Variants in PCDH11X observed in about 807,000 individuals in gnomAD.
PCDH11X encodes the protein protocadherin 11 X-linked, also known as protocadherin-11 X-linked.
In PCDH11X, 18 loss-of-function variants were observed where a neutral mutation model predicts 53.3. That is an observed-to-expected ratio of 0.34 (90% CI 0.23 to 0.50). PCDH11X has a LOEUF of 0.50. Among genes scored for constraint, PCDH11X ranks in the 20% least tolerant of loss-of-function variants. The pLI, the probability that PCDH11X is intolerant of heterozygous loss-of-function variation, is 0.98. For missense variants in PCDH11X, 570 were observed against 1,032.4 expected (o/e 0.55, Z 6.14); for synonymous variants, 279 against 393.3 (o/e 0.71, Z 3.44).
chrX:92,305,178 T>C (rs1369401313), intron 8 of PCDH11X, among the ~76,000 whole-genome samples: 4 of 111,286 alleles, frequency 3.6e-5, no homozygotes, highest in South Asian at 3.8e-4. Context: ...TTGATAGTCA[T>C]GCCACACATA....
chrX:92,100,579 G>A (rs187532828), intron 6 of PCDH11X, among the ~76,000 whole-genome samples: 121 of 110,720 alleles, frequency 1.1e-3, no homozygotes, highest in African/African-American at 3.9e-3. Flanking sequence ...GTTAAGGTGG[G>A]GCAGGGCATA....
At chrX:92,434,860 C>T (rs1487820062) in intron 9 of PCDH11X, among the ~76,000 whole-genome samples, 6 of 109,138 alleles carry the variant, frequency 5.5e-5, no homozygotes, top group Non-Finnish European at 1.1e-4. Flanking sequence ...AGAAGTCTAT[C>T]GACTCAATCT....
chrX:91,856,894 T>G (rs896721375), intron 5 of PCDH11X, among the ~76,000 whole-genome samples: 3 of 111,912 alleles, frequency 2.7e-5, no homozygotes, highest in Non-Finnish European at 3.8e-5. Flanking sequence ...CTATTGTGAA[T>G]AGTGCTGCAA....
intron 6 of PCDH11X, chrX:91,883,757 A>T: frequency 1.7e-6 from 1 of 594,323 alleles, no homozygotes. Flanking sequence ...GTGAGCCGAG[A>T]TGGCGCCACT....
intron 10 of PCDH11X, among the ~76,000 whole-genome samples, chrX:92,485,285 T>C (rs1053762958): frequency 1.3e-4 from 15 of 111,134 alleles, no homozygotes; most frequent in Non-Finnish European, 2.6e-4. Flanking sequence ...ACATTAGTAA[T>C]TAATGATAAG....
chrX:91,962,217 C>T (rs1267673450), intron 6 of PCDH11X, among the ~76,000 whole-genome samples: 1 of 109,898 alleles, frequency 9.1e-6, no homozygotes, highest in Non-Finnish European at 1.9e-5. Flanking sequence ...TGAGACAAGG[C>T]AAGCCCCTTC....
chrX:92,002,124 T>A (rs1294224391), intron 6 of PCDH11X, among the ~76,000 whole-genome samples: 5 of 107,683 alleles, frequency 4.6e-5, no homozygotes, highest in Non-Finnish European at 5.8e-5. Context: ...AATATAGGGA[T>A]CCAGTTTTCC....
chrX:92,552,994 CGTGTGTGT>C (rs57655496), intron 10 of PCDH11X, among the ~76,000 whole-genome samples: 347 of 88,903 alleles, frequency 3.9e-3, no homozygotes, highest in African/African-American at 6.0e-3. Context: ...CTGCAATTTT[CGTGTGTGT>C]GTGTGTGTGT....
In PCDH11X at chrX:92,067,222, G is replaced by A. The variant is rs760423196; in HGVS notation, c.3034-134153G>A. Reference sequence around the variant, plus strand: ...TGTTGAATAATAGTGGTGAAAGTGGGCATCCTTGTCATGTTCCAAATATAA... The same window carrying A: ...TGTTGAATAATAGTGGTGAAAGTGGACATCCTTGTCATGTTCCAAATATAA... On this transcript the variant is annotated intron_variant, in intron 6 of 10. Transcript: ENST00000682573. Among the ~76,000 whole-genome samples the A allele has an allele frequency of 7.4e-4, 82 of 111,193 alleles. No individual in the cohort carries two copies. In the South Asian group the frequency reaches 0.015, roughly 21 times the overall value.
chrX:92,534,996 C>A (rs1360308987), intron 10 of PCDH11X, among the ~76,000 whole-genome samples: 2 of 111,243 alleles, frequency 1.8e-5, no homozygotes, highest in Non-Finnish European at 3.8e-5. Flanking sequence ...CCAGTCATAA[C>A]GGCAACTACT....
chrX:92,180,970 G>A (rs767447278), intron 6 of PCDH11X, among the ~76,000 whole-genome samples: 7 of 109,962 alleles, frequency 6.4e-5, no homozygotes, highest in Non-Finnish European at 1.3e-4. Flanking sequence ...CTGCTGAAAA[G>A]ATACCAAAAA....
At position 91,864,109 on chromosome X, in the gene PCDH11X, C is replaced by G. The variant is rs1339644933; in HGVS notation, c.541-12672C>G. ...TGACTTTTGTACCTCCAGGTGATTA[C>G]TTATTGCTCGTTAATGTCTTTTTCT... On this transcript the variant is annotated intron_variant, in intron 5 of 10. Transcript: ENST00000682573. Among the ~76,000 whole-genome samples the G allele has an allele frequency of 2.7e-5, 3 of 111,257 alleles. No homozygotes were observed. In the Admixed American group the frequency reaches 2.9e-4, roughly 11 times the overall value.
Position 92,272,171 on chromosome X carries a change from C to G in PCDH11X, c.3144+9028C>G, listed in dbSNP as rs756780964. ...TTATATTGGAAAGCTAAGAAAGTTT[C>G]TTCTGAACATGTGTTTCTCCAGTAA... On this transcript the variant is annotated intron_variant, in intron 8 of 10. Coordinates refer to ENST00000682573, the MANE Select transcript of PCDH11X (RefSeq NM_032968.5). Among the ~76,000 whole-genome samples, 8 of 111,761 alleles carry G rather than the reference C, an allele frequency of 7.2e-5. No homozygotes were observed. In the South Asian group the frequency reaches 1.1e-3, roughly 16 times the overall value.
intron 10 of PCDH11X, among the ~76,000 whole-genome samples, chrX:92,478,838 A>G (rs1389038712): frequency 9.0e-6 from 1 of 110,989 alleles, no homozygotes; most frequent in East Asian, 2.8e-4. Context: ...ATTGAGAATA[A>G]TGTACATTCT....
At chrX:92,106,012 T>A (rs1295907207) in intron 6 of PCDH11X, among the ~76,000 whole-genome samples, 1 of 111,394 alleles carries the variant, frequency 9.0e-6, no homozygotes, top group Non-Finnish European at 1.9e-5. Flanking sequence ...GGTTATCTCA[T>A]AGCTGTTATA....
At chrX:91,792,611 A>C (rs5984818) in intron 1 of PCDH11X, among the ~76,000 whole-genome samples, 27,097 of 110,221 alleles carry the variant, frequency 0.25, 2,476 homozygotes, top group East Asian at 0.31. Context: ...ATAGGATCAC[A>C]AAAGAATTAG....
In PCDH11X at chrX:92,043,335, T is replaced by C. The variant is rs772747907; in HGVS notation, c.3034-158040T>C. Among the ~76,000 whole-genome samples, 4 of 110,149 alleles carry C rather than the reference T, an allele frequency of 3.6e-5. No homozygotes were observed. In the South Asian group the frequency reaches 1.6e-3, roughly 43 times the overall value. On this transcript the variant is annotated intron_variant, in intron 6 of 10. Transcript: ENST00000682573. ...TCAATGAAGTAGTGATTGGACAAAA[T>C]GTGGAGGATTGGGCTATAAAACATT...
intron 9 of PCDH11X, among the ~76,000 whole-genome samples, chrX:92,400,412 A>G (rs1483034887): frequency 9.1e-6 from 1 of 110,182 alleles, no homozygotes; most frequent in Non-Finnish European, 1.9e-5. Context: ...CACAGGAAGT[A>G]GACAAAAAAG....
intron 10 of PCDH11X, among the ~76,000 whole-genome samples, chrX:92,493,758 T>C (rs1370043803): frequency 9.6e-5 from 10 of 103,818 alleles, no homozygotes; most frequent in African/African-American, 3.5e-4. Context: ...GCAATTCTCC[T>C]GTCTCAGCCT....
Sources: gnomAD v4.1 joint callset for allele counts (sites outside exome capture counted in the v4.1 genomes callset) on GRCh38, gnomAD v4.1.1 for gene constraint, MANE v1.5 for transcripts, NCBI Gene and HGNC (gene_info 2026-07-23, HGNC 2026-07-21) for gene names.